The following CCDC91 variants were observed in gnomAD, a reference collection of about 807,000 sequenced individuals.
CCDC91 encodes the protein coiled-coil domain containing 91.
In CCDC91, 48 loss-of-function variants were observed where a neutral mutation model predicts 63.2. The observed-to-expected ratio is 0.76, with a 90% confidence interval of 0.60 to 0.97. CCDC91 has a LOEUF of 0.97. Ranked by LOEUF, CCDC91 falls within the 50% of genes least tolerant of loss-of-function variation. CCDC91 has a pLI of 0.00. For missense variants in CCDC91, 500 were observed against 494.6 expected (o/e 1.01, Z -0.10); for synonymous variants, 167 against 165.8 (o/e 1.01, Z -0.06).
chr12:28,443,800 A>G (rs1949357726), intron 8 of CCDC91, among the ~76,000 whole-genome samples: 1 of 152,204 alleles, frequency 6.6e-6, no homozygotes. Flanking sequence ...ATAGAATAAA[A>G]ATTATTAGAC....
At chr12:28,315,272 T>C (rs1022632165) in intron 6 of CCDC91, among the ~76,000 whole-genome samples, 1 of 151,828 alleles carries the variant, frequency 6.6e-6, no homozygotes, top group African/African-American at 2.4e-5. Context: ...TTCAAGCGAT[T>C]CTTGTGCCTC....
chr12:28,522,693 T>C (rs1258235479), intron 12 of CCDC91, among the ~76,000 whole-genome samples: 2 of 152,194 alleles, frequency 1.3e-5, no homozygotes, highest in African/African-American at 4.8e-5. Flanking sequence ...TCTTTCCTCC[T>C]TTCTCTTGTG....
At chr12:28,353,745 A>AG (rs1943335770) in intron 6 of CCDC91, among the ~76,000 whole-genome samples, 1 of 152,334 alleles carries the variant, frequency 6.6e-6, no homozygotes, top group East Asian at 1.9e-4. Flanking sequence ...AACTGATCAC[A>AG]GATCACTGTA....
intron 10 of CCDC91, 26 bp downstream of exon 10, chr12:28,450,444 G>C: frequency 6.6e-7 from 1 of 1,524,346 alleles, no homozygotes; most frequent in Middle Eastern, 1.7e-4. Flanking sequence ...ATAGTGGGTT[G>C]CTTGTAAGTA....
At chr12:28,317,472 C>G (rs2137325454) in intron 6 of CCDC91, among the ~76,000 whole-genome samples, 1 of 151,908 alleles carries the variant, frequency 6.6e-6, no homozygotes, top group South Asian at 2.1e-4. Flanking sequence ...AGGAAAAGAC[C>G]ATGTTTTCTT....
At chr12:28,384,230 T>G (rs1421299364) in intron 7 of CCDC91, among the ~76,000 whole-genome samples, 1 of 152,118 alleles carries the variant, frequency 6.6e-6, no homozygotes. Flanking sequence ...CAAGTAATTA[T>G]TACTTCATAG....
chr12:28,273,344 G>T (rs890617899), intron 3 of CCDC91, among the ~76,000 whole-genome samples: 19 of 152,000 alleles, frequency 1.3e-4, no homozygotes, highest in African/African-American at 4.6e-4. Flanking sequence ...TAATCCTTTG[G>T]GTATATACCC....
intron 1 of CCDC91, among the ~76,000 whole-genome samples, chr12:28,210,642 G>A (rs1943170055): frequency 6.6e-6 from 1 of 152,070 alleles, no homozygotes; most frequent in Admixed American, 6.5e-5. Context: ...TTTAAGCATA[G>A]GACTCTTTAA....
At chr12:28,217,312 G>A (rs768914390) in intron 1 of CCDC91, among the ~76,000 whole-genome samples, 4 of 152,012 alleles carry the variant, frequency 2.6e-5, no homozygotes, top group African/African-American at 4.8e-5. Flanking sequence ...AAATATCCTG[G>A]GGTGGTAGTA....
At chr12:28,195,992 A>T (rs61920244) in intron 1 of CCDC91, among the ~76,000 whole-genome samples, 1 of 151,890 alleles carries the variant, frequency 6.6e-6, no homozygotes, top group South Asian at 2.1e-4. Flanking sequence ...GTAGTCCCTG[A>T]TACTTGGAAG....
intron 3 of CCDC91, among the ~76,000 whole-genome samples, chr12:28,286,274 G>A (rs1166617365): frequency 6.6e-6 from 1 of 151,914 alleles, no homozygotes; most frequent in African/African-American, 2.4e-5. Flanking sequence ...AAGTAAACCT[G>A]TGCCATGGGG....
intron 8 of CCDC91, among the ~76,000 whole-genome samples, chr12:28,415,274 A>G (rs1592604956): frequency 6.6e-6 from 1 of 150,966 alleles, no homozygotes; most frequent in East Asian, 2.0e-4. Context: ...CCCAGGCTGG[A>G]GTGCAATAGC....
At chr12:28,313,745 T>C (rs1939562925) in intron 6 of CCDC91, among the ~76,000 whole-genome samples, 1 of 152,198 alleles carries the variant, frequency 6.6e-6, no homozygotes, top group Admixed American at 6.6e-5. Context: ...TTTCCTGTTC[T>C]GTCCAGGGTG....
intron 12 of CCDC91, among the ~76,000 whole-genome samples, chr12:28,540,886 G>A (rs1942581848): frequency 6.6e-6 from 1 of 152,054 alleles, no homozygotes; most frequent in East Asian, 1.9e-4. Flanking sequence ...GCAGCCTTAT[G>A]GAGAGGCTCA....
Position 28,391,402 on chromosome 12 carries a change from A to C in CCDC91, c.753A>C (p.Leu251=). The C allele has an allele frequency of 1.9e-6, 3 of 1,599,300 alleles. No homozygotes were observed. Among genetic ancestry groups the C allele is most frequent in the Non-Finnish European group, 2.6e-6 (3 of 1,166,732 alleles). The change falls in exon 8 of 13, where the codon CTA becomes CTC. Residue 251 remains leucine, a synonymous_variant. Transcript: ENST00000536442. ...EKQAHKCEEL[L]NAQHQRLLEM... is the part of the protein sequence containing the mutation. ...AGGCACACAAGTGTGAGGAGTTGCTAAATGCTCAGGTAATAAAAGTGCACA... is the reference window on the plus strand; with the variant it reads ...AGGCACACAAGTGTGAGGAGTTGCTCAATGCTCAGGTAATAAAAGTGCACA...
At chr12:28,394,488 C>A (rs1350235653) in intron 8 of CCDC91, among the ~76,000 whole-genome samples, 2 of 150,314 alleles carry the variant, frequency 1.3e-5, no homozygotes, top group African/African-American at 4.9e-5. Flanking sequence ...AAAAAAAAAA[C>A]AAAGATTAAA....
intron 6 of CCDC91, among the ~76,000 whole-genome samples, chr12:28,337,653 A>G (rs1489713459): frequency 1.3e-5 from 2 of 151,986 alleles, no homozygotes; most frequent in African/African-American, 2.4e-5. Flanking sequence ...CTTATCTCAT[A>G]CTCATCTATT....
At chr12:28,286,932 C>T (rs529467051) in intron 3 of CCDC91, among the ~76,000 whole-genome samples, 13 of 152,042 alleles carry the variant, frequency 8.6e-5, no homozygotes, top group African/African-American at 3.1e-4. Flanking sequence ...TAGTATCTTA[C>T]TCTGGTTTTG....
At chr12:28,469,752 G>A (rs543189798) in intron 11 of CCDC91, among the ~76,000 whole-genome samples, 1 of 152,150 alleles carries the variant, frequency 6.6e-6, no homozygotes, top group South Asian at 2.1e-4. Context: ...ACAGACCAAT[G>A]GAACAGAATA....
Sources: allele counts gnomAD v4.1 joint callset (sites outside exome capture counted in the v4.1 genomes callset), GRCh38; gene constraint gnomAD v4.1.1; transcripts MANE v1.5; gene names NCBI Gene and HGNC (gene_info 2026-07-23, HGNC 2026-07-21).